C2orf49: variants seen among roughly 807,000 people sequenced by gnomAD.
C2orf49 encodes the protein tRNA-splicing ligase complex subunit ASW.
C2orf49 carries 11 observed loss-of-function variants against 20.6 expected under a neutral mutation model. That is an observed-to-expected ratio of 0.53 (90% CI 0.34 to 0.88). The LOEUF is 0.88. Ranked by LOEUF, C2orf49 falls within the 40% of genes least tolerant of loss-of-function variation. The pLI is 0.02. For missense variants in C2orf49, 289 were observed against 274.2 expected (o/e 1.05, Z -0.38); for synonymous variants, 134 against 108.5 (o/e 1.24, Z -1.46).
the C2orf49 span, among the ~76,000 whole-genome samples, chr2:105,381,063 T>C: frequency 2.6e-5 from 4 of 152,146 alleles, no homozygotes; most frequent in Non-Finnish European, 4.4e-5. Flanking sequence ...AAGGTGGCTC[T>C]GGGTGGCAGG....
In C2orf49 at chr2:105,341,313, T is replaced by C. The variant is rs188575774; in HGVS notation, c.267-1535T>C. Among the ~76,000 whole-genome samples the C allele has an allele frequency of 2.1e-4, 32 of 152,366 alleles. No homozygotes were observed. The East Asian group carries it at 5.8e-3, about 28-fold the overall frequency. Reference sequence around the variant, plus strand: ...TCTTGATTAGTCCCCCAAAATCATTTTGGAAAGGATCTTTGACTCTATTTT... The same window carrying C: ...TCTTGATTAGTCCCCCAAAATCATTCTGGAAAGGATCTTTGACTCTATTTT... On this transcript the variant is annotated intron_variant, in intron 2 of 3. Coordinates refer to ENST00000258457, the MANE Select transcript of C2orf49 (RefSeq NM_024093.3).
chr2:105,379,295 TA>T, the C2orf49 span, among the ~76,000 whole-genome samples: 1 of 152,176 alleles, frequency 6.6e-6, no homozygotes, highest in Non-Finnish European at 1.5e-5. Flanking sequence ...TATAAGTCAT[TA>T]TTTAGACCAC....
At chr2:105,366,328 C>T in the C2orf49 span, among the ~76,000 whole-genome samples, 1 of 152,178 alleles carries the variant, frequency 6.6e-6, no homozygotes, top group Non-Finnish European at 1.5e-5. Context: ...CAGCCAGGTA[C>T]AGGTAGCAGC....
chr2:105,340,317 A>G (rs567776580), intron 2 of C2orf49, among the ~76,000 whole-genome samples: 1 of 152,314 alleles, frequency 6.6e-6, no homozygotes. Context: ...ACATCATTAG[A>G]TGTACATTTT....
chr2:105,371,576 CCTT>C, the C2orf49 span, among the ~76,000 whole-genome samples: 1 of 150,776 alleles, frequency 6.6e-6, no homozygotes, highest in South Asian at 2.1e-4. Flanking sequence ...CTCTCTCTCT[CCTT>C]ATGTATGTAT....
At chr2:105,370,208 A>ACG in the C2orf49 span, among the ~76,000 whole-genome samples, 1 of 150,614 alleles carries the variant, frequency 6.6e-6, no homozygotes, top group Admixed American at 6.6e-5. Flanking sequence ...CCCTGTCTCT[A>ACG]CCCCCCCAAA....
chr2:105,342,875 A>G lies in C2orf49; in HGVS notation c.294A>G (p.Lys98=). 6.2e-7 allele frequency: 1 copy of G among 1,614,096 alleles called. No homozygotes were observed. The highest frequency in any genetic ancestry group is 8.5e-7 in the Non-Finnish European group (1 of 1,179,944). Residue 98 remains lysine (K), a synonymous_variant, in exon 3 of 4, where the codon AAA becomes AAG. Transcript: ENST00000258457. ...KRSSTVDGLR[K]RPLIVFDGSS... ...GTAGCACTGTAGATGGGTTAAGGAA[A>G]AGACCCCTCATCGTATTTGATGGAA... is the stretch of plus-strand genomic sequence containing the variant.
At chr2:105,355,835 G>A in the C2orf49 span, among the ~76,000 whole-genome samples, 1 of 148,916 alleles carries the variant, frequency 6.7e-6, no homozygotes, top group Non-Finnish European at 1.5e-5. Flanking sequence ...CCCAGATCAA[G>A]ATACACAGTA....
chr2:105,363,496 G>A, the C2orf49 span: 1 of 1,581,834 alleles, frequency 6.3e-7, no homozygotes, highest in Non-Finnish European at 8.6e-7. Flanking sequence ...GGGAGAGTTA[G>A]TGTGGCCTCT....
chr2:105,361,581 C>T, the C2orf49 span: 1 of 654,370 alleles, frequency 1.5e-6, no homozygotes, highest in Non-Finnish European at 2.6e-6. Context: ...TGTTGGGAAT[C>T]CATATGTAAA....
Position 105,345,308 on chromosome 2 carries a change from C to G in C2orf49, c.643-7C>G, listed in dbSNP as rs1323694430. On this transcript the variant is annotated splice_region_variant and splice_polypyrimidine_tract_variant and intron_variant, in intron 3 of 3. Transcript: ENST00000258457. ...AGTATAAACTGATTTCTGTTCATGT[C>G]TTTCAGAATAACCTGAAGCCCCCAC... is the stretch of plus-strand genomic sequence containing the variant. The G allele has an allele frequency of 1.1e-5, 18 of 1,609,282 alleles. No individual in the cohort carries two copies. Among genetic ancestry groups the G allele is most frequent in the Non-Finnish European group, 1.5e-5 (18 of 1,178,554 alleles).
At chr2:105,341,021 G>A (rs1679651313) in intron 2 of C2orf49, among the ~76,000 whole-genome samples, 2 of 152,174 alleles carry the variant, frequency 1.3e-5, no homozygotes, top group South Asian at 4.1e-4. Context: ...TTGTCTTTTG[G>A]AAAATACACA....
the C2orf49 span, among the ~76,000 whole-genome samples, chr2:105,363,795 G>A: frequency 3.3e-5 from 5 of 152,182 alleles, no homozygotes; most frequent in African/African-American, 4.8e-5. Context: ...CACAGTGGAG[G>A]GGTCGGGATT....
In C2orf49 at chr2:105,337,554, G is replaced by C. The variant is rs753689806; in HGVS notation, c.-34G>C. ...CGCAACGCTTCCTTCGCGGGGCTTTGTGGGTAGCCGACTGGGGTCTCCTGG... is the reference window on the plus strand; with the variant it reads ...CGCAACGCTTCCTTCGCGGGGCTTTCTGGGTAGCCGACTGGGGTCTCCTGG... On this transcript the variant is annotated 5_prime_UTR_variant, in exon 1 of 4. Transcript: ENST00000258457. 4 of 1,612,842 alleles carry C rather than the reference G, an allele frequency of 2.5e-6. No individual in the cohort carries two copies. The highest frequency in any genetic ancestry group is 1.7e-5 in the Admixed American group (1 of 59,968).
At chr2:105,369,804 AT>A in the C2orf49 span, among the ~76,000 whole-genome samples, 1 of 152,182 alleles carries the variant, frequency 6.6e-6, no homozygotes, top group South Asian at 2.1e-4. Context: ...CTCTCATGGC[AT>A]TCTTGTCGAG....
At chr2:105,381,959 C>G in the C2orf49 span, among the ~76,000 whole-genome samples, 1 of 152,086 alleles carries the variant, frequency 6.6e-6, no homozygotes, top group Non-Finnish European at 1.5e-5. Context: ...CAAACCTGAC[C>G]TTACACCTTT....
chr2:105,345,705 A>G lies in C2orf49; in HGVS notation c.*334A>G, dbSNP rs142101888. On this transcript the variant is annotated 3_prime_UTR_variant, in exon 4 of 4. Coordinates refer to ENST00000258457, the MANE Select transcript of C2orf49 (RefSeq NM_024093.3). ...TGGCCAGGCGCAGTGGCTCACGCCT[A>G]TAATCCCAGCACTTTGAGAGACTGA... 0.046 allele frequency: 10,844 copies of G among 237,872 alleles called. 302 individuals are homozygous for G. Among genetic ancestry groups the G allele is most frequent in the Middle Eastern group, 0.078 (49 of 632 alleles). The allele number at this position is 237,872 out of a possible 1,614,324, so 14.7% of individuals were successfully genotyped here. A position where few individuals can be genotyped will look rare whatever the true frequency, so the allele number is the denominator to read the frequency against.
chr2:105,377,094 G>C, the C2orf49 span, among the ~76,000 whole-genome samples: 1 of 152,190 alleles, frequency 6.6e-6, no homozygotes, highest in African/African-American at 2.4e-5. Flanking sequence ...TCTGCAATCA[G>C]ACCTTGGCGA....
chr2:105,357,683 T>C, the C2orf49 span: 2 of 152,202 alleles, frequency 1.3e-5, no homozygotes, highest in East Asian at 3.9e-4. Flanking sequence ...GATCCAAGTT[T>C]TGCTTTTTGG....
Sources: allele counts gnomAD v4.1 joint callset (sites outside exome capture counted in the v4.1 genomes callset), GRCh38; gene constraint gnomAD v4.1.1; transcripts MANE v1.5; gene names NCBI Gene and HGNC (gene_info 2026-07-23, HGNC 2026-07-21).